ZNF76: variants seen among roughly 807,000 people sequenced by gnomAD.
ZNF76 encodes zinc finger protein 523.
Under a neutral mutation model 66.9 loss-of-function variants are expected in ZNF76, and 66 were observed. The ratio of observed to expected loss-of-function variants is 0.99; its 90% CI spans 0.81 to 1.21. The LOEUF (loss-of-function observed/expected upper bound fraction) is 1.21, where lower values mean the gene tolerates loss of function less well. Among genes scored for constraint, ZNF76 ranks in the 50% most tolerant of loss-of-function variants. ZNF76 has a pLI of 0.00. For synonymous variants in ZNF76, 275 were observed against 296.1 expected (o/e 0.93, Z 0.73); for missense variants, 729 against 760.3 (o/e 0.96, Z 0.48).
chr6:35,278,176 C>CT (rs975565367), intron 1 of ZNF76, among the ~76,000 whole-genome samples: 8 of 150,068 alleles, frequency 5.3e-5, no homozygotes, highest in Non-Finnish European at 8.9e-5. Flanking sequence ...TTGTTTTTTT[C>CT]TTTTTTTTTG....
intron 1 of ZNF76, among the ~76,000 whole-genome samples, chr6:35,278,101 C>T (rs1328459067): frequency 1.3e-5 from 2 of 152,118 alleles, no homozygotes; most frequent in Non-Finnish European, 2.9e-5. Context: ...TGTGATCTGC[C>T]CGCCTCAACT....
intron 1 of ZNF76, among the ~76,000 whole-genome samples, chr6:35,277,882 C>T (rs769505225): frequency 1.3e-5 from 2 of 152,142 alleles, no homozygotes; most frequent in East Asian, 1.9e-4. Flanking sequence ...GTTTTTGAGA[C>T]GGAGTCTCAC....
intron 12 of ZNF76, chr6:35,294,138 T>C (rs1790843950): frequency 1.6e-6 from 1 of 612,006 alleles, no homozygotes; most frequent in East Asian, 2.8e-5. Flanking sequence ...TCAACCCTGA[T>C]TTGTTGTGCA....
chr6:35,284,195 G>A (rs921264423), intron 2 of ZNF76, among the ~76,000 whole-genome samples: 1 of 151,778 alleles, frequency 6.6e-6, no homozygotes, highest in Non-Finnish European at 1.5e-5. Flanking sequence ...GGGTTCAAGC[G>A]ATTCTCCTGC....
At chr6:35,290,799 C>G in intron 7 of ZNF76, 83 bp downstream of exon 7, 1 of 1,325,300 alleles carries the variant, frequency 7.5e-7, no homozygotes, top group Non-Finnish European at 1.1e-6. Context: ...AACCCAACAC[C>G]AGGCTGCTTT....
Position 35,287,499 on chromosome 6 carries a change from A to C in ZNF76, c.233-147A>C, listed in dbSNP as rs1789733924. 9 of 718,038 alleles carry C rather than the reference A, an allele frequency of 1.3e-5. No homozygotes were observed. The highest frequency in any genetic ancestry group is 2.0e-5 in the Non-Finnish European group (9 of 442,832). The allele number at this position is 718,038 out of a possible 1,614,324, so 44.5% of individuals were successfully genotyped here. A position where few individuals can be genotyped will look rare whatever the true frequency, so the allele number is the denominator to read the frequency against. On this transcript the variant is annotated intron_variant, in intron 4 of 13. Transcript: ENST00000373953. This position sits in a 1 kb window ranked among gnomAD's most constrained non-coding sequence, Gnocchi z 4.0. ...AGACAGCTGCAGAAGGAGGGCCAGCAAGAGTGAATCACAAAGTGAAGGGCC... is the reference window on the plus strand; with the variant it reads ...AGACAGCTGCAGAAGGAGGGCCAGCCAGAGTGAATCACAAAGTGAAGGGCC...
At chr6:35,268,785 A>G (rs1221526685) in intron 1 of ZNF76, among the ~76,000 whole-genome samples, 1 of 151,678 alleles carries the variant, frequency 6.6e-6, no homozygotes, top group African/African-American at 2.4e-5. Context: ...AAAGAGAGAA[A>G]AAAAAAAAAA....
chr6:35,268,799 C>A (rs992016659), intron 1 of ZNF76, among the ~76,000 whole-genome samples: 42 of 146,072 alleles, frequency 2.9e-4, no homozygotes, highest in Non-Finnish European at 5.1e-4. Flanking sequence ...AAAAAAAAAA[C>A]CACCTGCAAT....
chr6:35,271,747 C>T lies in ZNF76; in HGVS notation c.-96-9309C>T, dbSNP rs147070703. Among the ~76,000 whole-genome samples the T allele has an allele frequency of 3.8e-3, 579 of 151,904 alleles. 4 individuals are homozygous for T. Among genetic ancestry groups the T allele is most frequent in the African/African-American group, 0.013 (545 of 41,436 alleles). ...ACATAGGATACTGAATCATGGGGTCCCACTGTGACACTATTCCACAAGACA... is the reference window on the plus strand; with the variant it reads ...ACATAGGATACTGAATCATGGGGTCTCACTGTGACACTATTCCACAAGACA... On this transcript the variant is annotated intron_variant, in intron 1 of 13. Coordinates refer to ENST00000373953, the MANE Select transcript of ZNF76 (RefSeq NM_003427.5).
intron 1 of ZNF76, among the ~76,000 whole-genome samples, chr6:35,261,170 C>T (rs552959595): frequency 5.3e-5 from 8 of 152,112 alleles, no homozygotes; most frequent in African/African-American, 9.7e-5. Flanking sequence ...TGTAAAGCAC[C>T]GGGCACCATG....
chr6:35,288,008 C>G (rs1474643030), intron 5 of ZNF76, 163 bp downstream of exon 5: 1 of 790,726 alleles, frequency 1.3e-6, no homozygotes, highest in Non-Finnish European at 2.1e-6. Flanking sequence ...CCCCAGCTCC[C>G]CCAACTCACC....
At position 35,268,403 on chromosome 6, in the gene ZNF76, G is replaced by A. The variant is rs571665702; in HGVS notation, c.-97+8562G>A. ...TAGCTCATCCTAATTGACAAAATTA[G>A]TCACCCACAAAATTAGTTTAGAGGA... On this transcript the variant is annotated intron_variant, in intron 1 of 13. Transcript: ENST00000373953. Among the ~76,000 whole-genome samples the A allele has an allele frequency of 3.3e-5, 5 of 152,164 alleles. No individual in the cohort carries two copies. In the South Asian group the frequency reaches 1.0e-3, roughly 32 times the overall value.
At chr6:35,283,911 T>C (rs1467026156) in intron 2 of ZNF76, among the ~76,000 whole-genome samples, 1 of 152,178 alleles carries the variant, frequency 6.6e-6, no homozygotes, top group African/African-American at 2.4e-5. Context: ...TGTAGGACTG[T>C]TAGTTACTGA....
chr6:35,280,948 T>G, intron 1 of ZNF76, 108 bp from the exon 2 acceptor site: 1 of 592,482 alleles, frequency 1.7e-6, no homozygotes, highest in South Asian at 2.0e-5. Flanking sequence ...TTTGAAGAAT[T>G]CATCTTTTTT....
intron 1 of ZNF76, among the ~76,000 whole-genome samples, chr6:35,263,161 A>G (rs541546099): frequency 4.1e-4 from 62 of 151,808 alleles, no homozygotes; most frequent in African/African-American, 1.1e-3. Flanking sequence ...TATCCAGAGA[A>G]CTACACTCTT....
At chr6:35,279,844 T>C (rs901905982) in intron 1 of ZNF76, 1 of 152,184 alleles carries the variant, frequency 6.6e-6, no homozygotes, top group African/African-American at 2.4e-5. Flanking sequence ...TATCTTATTA[T>C]TATTTTTGAG....
chr6:35,295,911 T>C lies in ZNF76; in HGVS notation c.*663T>C, dbSNP rs1345296242. The C allele has an allele frequency of 6.5e-6, 1 of 152,810 alleles. No homozygotes were observed. The highest frequency in any genetic ancestry group is 1.5e-5 in the Non-Finnish European group (1 of 68,466). 9.5% of individuals were successfully genotyped at this position (152,810 alleles called of 1,614,324 possible). On this transcript the variant is annotated 3_prime_UTR_variant, in exon 14 of 14. Transcript: ENST00000373953. ...TGTTTTGTTTTTTTTAATTCCATTT[T>C]GATAATTTTTTTCCTGCTCTGGGTG...
intron 1 of ZNF76, among the ~76,000 whole-genome samples, chr6:35,272,487 GT>G (rs1787234436): frequency 5.6e-5 from 1 of 18,006 alleles, no homozygotes; most frequent in South Asian, 5.1e-3. Flanking sequence ...GTGTGTGTGT[GT>G]GTGTGTGTGT....
chr6:35,266,241 C>T (rs868289320), intron 1 of ZNF76, among the ~76,000 whole-genome samples: 3 of 152,014 alleles, frequency 2.0e-5, no homozygotes, highest in Admixed American at 6.6e-5. Flanking sequence ...CAACCTCCGC[C>T]TCCTGGGTTC....
Sources: gnomAD v4.1 joint callset for allele counts (sites outside exome capture counted in the v4.1 genomes callset) on GRCh38, gnomAD v4.1.1 for gene constraint, Gnocchi (gnomAD v3.1) non-coding constraint, MANE v1.5 for transcripts, NCBI Gene and HGNC (gene_info 2026-07-23, HGNC 2026-07-21) for gene names.